Variants in CACNA2D3 observed in about 807,000 individuals in gnomAD.
CACNA2D3 encodes the protein voltage-dependent calcium channel subunit alpha-2/delta-3.
A neutral mutation model predicts 160.6 loss-of-function variants in CACNA2D3; 60 were observed. That is an observed-to-expected ratio of 0.37 (90% CI 0.30 to 0.46). The LOEUF (loss-of-function observed/expected upper bound fraction) is 0.46. Among genes scored for constraint, CACNA2D3 ranks in the 20% least tolerant of loss-of-function variants. The pLI is 1.00. For missense variants in CACNA2D3, 1,205 were observed against 1,365.0 expected, an observed-to-expected ratio of 0.88 and a Z score of 1.85; for synonymous variants, 558 against 492.9, an observed-to-expected ratio of 1.13 and a Z score of -1.75.
At chr3:54,374,187 G>A (rs1377917577) in intron 3 of CACNA2D3, among the ~76,000 whole-genome samples, 1 of 152,200 alleles carries the variant, frequency 6.6e-6, no homozygotes, top group Non-Finnish European at 1.5e-5. Flanking sequence ...ACAAATCTAG[G>A]AAGTGCTGCG....
At chr3:55,068,212 C>T (rs1171767850) in intron 35 of CACNA2D3, among the ~76,000 whole-genome samples, 1 of 152,220 alleles carries the variant, frequency 6.6e-6, no homozygotes, top group African/African-American at 2.4e-5. Context: ...CTGTAACCTC[C>T]TGAGCAGCCA....
chr3:55,039,501 C>T (rs1703912814), intron 35 of CACNA2D3, among the ~76,000 whole-genome samples: 1 of 152,262 alleles, frequency 6.6e-6, no homozygotes, highest in South Asian at 2.1e-4. Flanking sequence ...GCAGCTTCAA[C>T]AATTGTTAGT....
At chr3:54,284,040 C>T (rs558381193) in intron 2 of CACNA2D3, among the ~76,000 whole-genome samples, 4 of 151,968 alleles carry the variant, frequency 2.6e-5, no homozygotes, top group East Asian at 3.8e-4. Flanking sequence ...CCAGCCTGGG[C>T]GACACAGTGA....
intron 34 of CACNA2D3, among the ~76,000 whole-genome samples, chr3:55,015,946 C>G (rs2107154187): frequency 6.6e-6 from 1 of 152,324 alleles, no homozygotes; most frequent in East Asian, 1.9e-4. Context: ...TAAAATTCAC[C>G]TTACCCTCCA....
intron 27 of CACNA2D3, among the ~76,000 whole-genome samples, chr3:54,965,997 G>A (rs1702140859): frequency 1.3e-5 from 2 of 152,132 alleles, no homozygotes; most frequent in Admixed American, 6.5e-5. Context: ...AGATGAAAGC[G>A]CCCCAAGGAG....
At chr3:54,942,796 G>A (rs974217551) in intron 27 of CACNA2D3, among the ~76,000 whole-genome samples, 31 of 152,152 alleles carry the variant, frequency 2.0e-4, no homozygotes, top group Non-Finnish European at 2.6e-4. Flanking sequence ...AGGCCGAGGC[G>A]GGTGGATCAC....
chr3:54,305,378 T>C (rs912307237), intron 2 of CACNA2D3, among the ~76,000 whole-genome samples: 1 of 152,264 alleles, frequency 6.6e-6, no homozygotes, highest in Non-Finnish European at 1.5e-5. Context: ...TGTTTACCTT[T>C]CCTCAGTCCA....
At position 54,793,983 on chromosome 3, in the gene CACNA2D3, T is replaced by C. The variant is rs979649702; in HGVS notation, c.1381-22870T>C. On this transcript the variant is annotated intron_variant, in intron 13 of 37. Transcript: ENST00000474759. ...TGTTACAAGGAGTTTGTTCATTTCA[T>C]CTAAGTTATTGATTTATTGGCATAA... Among the ~76,000 whole-genome samples the C allele has an allele frequency of 2.0e-5, 3 of 152,316 alleles. No individual in the cohort carries two copies. The East Asian group carries it at 5.8e-4, about 29-fold the overall frequency.
chr3:54,502,470 T>G (rs1219080231), intron 4 of CACNA2D3, among the ~76,000 whole-genome samples: 1 of 152,274 alleles, frequency 6.6e-6, no homozygotes, highest in African/African-American at 2.4e-5. Context: ...CATTTCACAT[T>G]GATTCTTTCA....
At chr3:54,754,849 C>T (rs1230590228) in intron 12 of CACNA2D3, among the ~76,000 whole-genome samples, 1 of 152,062 alleles carries the variant, frequency 6.6e-6, no homozygotes, top group Non-Finnish European at 1.5e-5. Flanking sequence ...AGGTGCAAGC[C>T]ACCAAAGTTG....
At chr3:54,804,478 A>C (rs551640703) in intron 13 of CACNA2D3, among the ~76,000 whole-genome samples, 6 of 152,364 alleles carry the variant, frequency 3.9e-5, no homozygotes, top group African/African-American at 1.4e-4. Context: ...TGGTAAAGGG[A>C]TCAATTCAAC....
chr3:54,480,747 A>C (rs979551603), intron 4 of CACNA2D3, among the ~76,000 whole-genome samples: 1 of 151,762 alleles, frequency 6.6e-6, no homozygotes, highest in Admixed American at 6.6e-5. Flanking sequence ...TCCATTTACC[A>C]CTCTGCTGGA....
chr3:54,555,568 C>T (rs564332551), intron 5 of CACNA2D3, among the ~76,000 whole-genome samples: 1 of 152,178 alleles, frequency 6.6e-6, no homozygotes, highest in Admixed American at 6.5e-5. Context: ...GTGGGAGGCG[C>T]TCTTCACATA....
chr3:54,800,333 T>G (rs576374035), intron 13 of CACNA2D3, among the ~76,000 whole-genome samples: 3 of 152,358 alleles, frequency 2.0e-5, no homozygotes, highest in South Asian at 4.2e-4. Context: ...ATCTGGACTT[T>G]GCCAAATTTC....
At chr3:54,866,051 A>C (rs577071684) in intron 17 of CACNA2D3, among the ~76,000 whole-genome samples, 26 of 152,314 alleles carry the variant, frequency 1.7e-4, no homozygotes, top group African/African-American at 2.9e-4. Flanking sequence ...CCCTTGATGA[A>C]GCCTGATTCA....
At chr3:54,247,345 A>C (rs67311583) in intron 2 of CACNA2D3, among the ~76,000 whole-genome samples, 69,707 of 151,416 alleles carry the variant, frequency 0.46, 16,537 homozygotes, top group African/African-American at 0.59. Flanking sequence ...AATAAAACCA[A>C]ATCCCACTAT....
chr3:54,886,267 A>T (rs1167140940), intron 23 of CACNA2D3, among the ~76,000 whole-genome samples: 2 of 152,222 alleles, frequency 1.3e-5, no homozygotes, highest in East Asian at 3.8e-4. Flanking sequence ...TTACATATCT[A>T]ATCCTATGAG....
intron 11 of CACNA2D3, among the ~76,000 whole-genome samples, chr3:54,651,680 T>C (rs1575406598): frequency 1.3e-5 from 2 of 152,136 alleles, no homozygotes; most frequent in South Asian, 4.1e-4. Context: ...CTTGGGGATT[T>C]TGTGCCCCAA....
chr3:54,249,726 CG>C (rs1702149232), intron 2 of CACNA2D3, among the ~76,000 whole-genome samples: 1 of 150,766 alleles, frequency 6.6e-6, no homozygotes, highest in African/African-American at 2.4e-5. Flanking sequence ...CTGGTTCAAC[CG>C]TAATACACAA....
Sources: allele counts gnomAD v4.1 joint callset (sites outside exome capture counted in the v4.1 genomes callset), GRCh38; gene constraint gnomAD v4.1.1; transcripts MANE v1.5; gene names NCBI Gene and HGNC (gene_info 2026-07-23, HGNC 2026-07-21).